The following CPEB3 variants were observed in gnomAD, a reference collection of about 807,000 sequenced individuals.
CPEB3 encodes cytoplasmic polyadenylation element binding protein 3.
Under a neutral mutation model 67.2 loss-of-function variants are expected in CPEB3, and 20 were observed. That is an observed-to-expected ratio of 0.30 (90% CI 0.21 to 0.43). The LOEUF is 0.43. Among genes scored for constraint, CPEB3 ranks in the 20% least tolerant of loss-of-function variants. CPEB3 has a pLI of 1.00. For missense variants in CPEB3, 746 were observed against 968.6 expected, an observed-to-expected ratio of 0.77 and a Z score of 3.05; for synonymous variants, 376 against 393.1, an observed-to-expected ratio of 0.96 and a Z score of 0.51.
chr10:92,124,122 G>A (rs1845511238), intron 6 of CPEB3, among the ~76,000 whole-genome samples: 1 of 152,148 alleles, frequency 6.6e-6, no homozygotes, highest in African/African-American at 2.4e-5. Context: ...ATCAGGAGGA[G>A]TTATGACTTC....
intron 4 of CPEB3, among the ~76,000 whole-genome samples, chr10:92,174,828 A>G (rs560681837): frequency 6.6e-6 from 1 of 152,298 alleles, no homozygotes; most frequent in African/African-American, 2.4e-5. Context: ...AATTTAAACA[A>G]TATTGAATCT....
intron 7 of CPEB3, among the ~76,000 whole-genome samples, chr10:92,108,569 T>A (rs1222004215): frequency 6.6e-6 from 1 of 152,204 alleles, no homozygotes; most frequent in Non-Finnish European, 1.5e-5. Flanking sequence ...TTGGGGACTT[T>A]TAAGTTTCCT....
intron 1 of CPEB3, among the ~76,000 whole-genome samples, chr10:92,249,238 G>T (rs1253446697): frequency 3.9e-5 from 6 of 152,088 alleles, no homozygotes; most frequent in Non-Finnish European, 8.8e-5. Context: ...AATTAGCAGG[G>T]CATGGTGGCA....
At chr10:92,139,804 G>C (rs1302896771) in intron 6 of CPEB3, among the ~76,000 whole-genome samples, 2 of 152,096 alleles carry the variant, frequency 1.3e-5, no homozygotes, top group Non-Finnish European at 2.9e-5. Flanking sequence ...GCTGGGCATG[G>C]TGGCTCACAC....
chr10:92,216,233 C>T (rs1850381854), intron 2 of CPEB3: 1 of 1,098,144 alleles, frequency 9.1e-7, no homozygotes, highest in Non-Finnish European at 1.3e-6. Flanking sequence ...GTCAAGAGAT[C>T]AAGATCATAC....
At chr10:92,288,550 G>C (rs1842646281) in intron 1 of CPEB3, among the ~76,000 whole-genome samples, 1 of 151,488 alleles carries the variant, frequency 6.6e-6, no homozygotes, top group African/African-American at 2.4e-5. Flanking sequence ...AAAATACCTA[G>C]AAGTGGAATT....
At chr10:92,080,851 G>A (rs1843123898) in intron 9 of CPEB3, among the ~76,000 whole-genome samples, 1 of 152,030 alleles carries the variant, frequency 6.6e-6, no homozygotes, top group Non-Finnish European at 1.5e-5. Flanking sequence ...CACCCGCCTC[G>A]GCCTCCCAGA....
chr10:92,189,351 T>C (rs1383862440), intron 3 of CPEB3, among the ~76,000 whole-genome samples: 1 of 152,232 alleles, frequency 6.6e-6, no homozygotes, highest in Admixed American at 6.5e-5. Flanking sequence ...TGAAGTCTAG[T>C]TGGAAAGAAG....
In CPEB3 at chr10:92,052,191, G is replaced by A; in HGVS notation, c.*21C>T. ...CTCCTTGTTATCTACTCCAGTACTT[G>A]TGGCTGGGTCGGCCCGTGGCTCAGC... On this transcript the variant is annotated 3_prime_UTR_variant, in exon 10 of 10. Transcript: ENST00000265997. 1 of 1,575,756 alleles carries A rather than the reference G, an allele frequency of 6.3e-7. No homozygotes were observed. The highest frequency in any genetic ancestry group is 8.7e-7 in the Non-Finnish European group (1 of 1,146,950).
intron 2 of CPEB3, among the ~76,000 whole-genome samples, chr10:92,237,035 A>G (rs1564894839): frequency 6.6e-6 from 1 of 152,222 alleles, no homozygotes; most frequent in Non-Finnish European, 1.5e-5. Flanking sequence ...TTTTGAAAAA[A>G]TCATCGAAAC....
chr10:92,101,889 CAG>C (rs913495029), intron 7 of CPEB3, among the ~76,000 whole-genome samples: 4 of 152,130 alleles, frequency 2.6e-5, no homozygotes, highest in African/African-American at 9.7e-5. Flanking sequence ...GCCTGGGTGA[CAG>C]AGAGAGACTC....
intron 2 of CPEB3, among the ~76,000 whole-genome samples, chr10:92,234,945 C>CA (rs1163892826): frequency 1.3e-5 from 2 of 151,878 alleles, no homozygotes; most frequent in African/African-American, 4.8e-5. Context: ...AAAAACAAAA[C>CA]AAAAAAATAA....
chr10:92,200,878 T>C (rs1029144437), intron 2 of CPEB3, among the ~76,000 whole-genome samples: 1 of 152,158 alleles, frequency 6.6e-6, no homozygotes, highest in Non-Finnish European at 1.5e-5. Context: ...ATAAGAGGCT[T>C]AGTATATCAT....
intron 2 of CPEB3, chr10:92,216,359 G>A (rs1030639597): frequency 2.5e-6 from 4 of 1,610,040 alleles, no homozygotes; most frequent in Non-Finnish European, 2.5e-6. Context: ...AGATCCCGAA[G>A]GGCCCGAGGC....
At chr10:92,152,364 C>T (rs1053352457) in intron 4 of CPEB3, among the ~76,000 whole-genome samples, 14 of 152,196 alleles carry the variant, frequency 9.2e-5, no homozygotes, top group Non-Finnish European at 1.8e-4. Context: ...CTATTCTGGA[C>T]ACTTCATATA....
chr10:92,168,029 CA>C (rs1847826027), intron 4 of CPEB3, among the ~76,000 whole-genome samples: 1 of 151,912 alleles, frequency 6.6e-6, no homozygotes, highest in Non-Finnish European at 1.5e-5. Context: ...ACATGATATA[CA>C]GAAAAAAAGT....
At chr10:92,185,417 G>A (rs562471973) in intron 3 of CPEB3, among the ~76,000 whole-genome samples, 64 of 152,042 alleles carry the variant, frequency 4.2e-4, no homozygotes, top group African/African-American at 1.4e-3. Context: ...ATGGTTATTC[G>A]TTCTGTTAAA....
At chr10:92,117,903 G>T (rs1845123227) in intron 6 of CPEB3, among the ~76,000 whole-genome samples, 1 of 152,058 alleles carries the variant, frequency 6.6e-6, no homozygotes, top group Admixed American at 6.5e-5. Flanking sequence ...GGTAAATACA[G>T]TTGTTATTAT....
intron 4 of CPEB3, among the ~76,000 whole-genome samples, chr10:92,179,790 T>C (rs568394471): frequency 6.8e-4 from 103 of 152,236 alleles, no homozygotes; most frequent in Non-Finnish European, 7.8e-4. Flanking sequence ...GCAGTACTCA[T>C]TGGTTGCATG....
Sources: gnomAD v4.1 joint callset for allele counts (sites outside exome capture counted in the v4.1 genomes callset) on GRCh38, gnomAD v4.1.1 for gene constraint, MANE v1.5 for transcripts, NCBI Gene and HGNC (gene_info 2026-07-23, HGNC 2026-07-21) for gene names.